Variants in GMPS observed in about 807,000 individuals in gnomAD.
GMPS encodes guanosine monophosphate synthase.
GMPS carries 15 observed loss-of-function variants against 77.9 expected under a neutral mutation model. That is an observed-to-expected ratio of 0.19 (90% confidence interval 0.13 to 0.30). GMPS has a LOEUF of 0.30. Among genes scored for constraint, GMPS ranks in the 10% least tolerant of loss-of-function variants. GMPS has a pLI of 1.00. For synonymous variants in GMPS, 224 were observed against 275.9 expected, an observed-to-expected ratio of 0.81 and a Z score of 1.86; for missense variants, 590 against 838.8, an observed-to-expected ratio of 0.70 and a Z score of 3.66.
At chr3:155,933,282 C>A (rs572091768) in intron 13 of GMPS, among the ~76,000 whole-genome samples, 47 of 152,046 alleles carry the variant, frequency 3.1e-4, no homozygotes, top group Non-Finnish European at 6.3e-4. Context: ...TAAAAATATT[C>A]TTCCCTGTTT....
At chr3:155,898,630 C>T (rs564306305) in intron 3 of GMPS, among the ~76,000 whole-genome samples, 2 of 152,320 alleles carry the variant, frequency 1.3e-5, no homozygotes, top group East Asian at 1.9e-4. Flanking sequence ...AATAGTTCCT[C>T]AGTGTTTCCT....
chr3:155,888,477 T>A (rs1246048875), intron 1 of GMPS, among the ~76,000 whole-genome samples: 1 of 152,028 alleles, frequency 6.6e-6, no homozygotes, highest in African/African-American at 2.4e-5. Context: ...TCACCCAGGC[T>A]GGAGTGCAGT....
rs977453092 is a variant in GMPS at position 155,908,512 on chromosome 3, A to G, written c.527-2180A>G. On this transcript the variant is annotated intron_variant, in intron 5 of 15. Coordinates refer to ENST00000496455, the MANE Select transcript of GMPS (RefSeq NM_003875.3). ...TTTTTTCTACAGCAGTAGAAGAGGA[A>G]GTTGTTAGGACCAGGGTGGCAGAGA... is the stretch of plus-strand genomic sequence containing the variant. 4.6e-5 allele frequency among the ~76,000 whole-genome samples: 7 copies of G among 152,310 alleles called. No homozygotes were observed. In the East Asian group the frequency reaches 1.3e-3, roughly 29 times the overall value.
At position 155,916,101 on chromosome 3, in the gene GMPS, T is replaced by C. The variant is rs779023940; in HGVS notation, c.1121T>C (p.Ile374Thr). The C allele has an allele frequency of 1.2e-6, 2 of 1,613,226 alleles. No homozygotes were observed. Among genetic ancestry groups the C allele is most frequent in the South Asian group, 1.1e-5 (1 of 91,054 alleles). Residue 374 changes from isoleucine (I) to threonine (T), a missense_variant, in exon 9 of 16, where the codon ATT becomes ACT. By Grantham distance (89) the Ile-to-Thr change is moderately conservative. Around this residue, in one of 6 missense-constraint regions of GMPS, gnomAD observed 181 missense variants for 186.8 expected, o/e 0.97. Coordinates refer to ENST00000496455, the MANE Select transcript of GMPS (RefSeq NM_003875.3). ...LAQGTLRPDL[I>T]ESASLVASGK... ...CAAGGTACTTTACGGCCTGATCTAA[T>C]TGAAAGTGCATCCCTTGTTGCAAGT...
intron 4 of GMPS, among the ~76,000 whole-genome samples, chr3:155,905,611 A>G (rs1262797176): frequency 2.0e-5 from 3 of 152,192 alleles, no homozygotes; most frequent in Non-Finnish European, 4.4e-5. Context: ...AGTTAAAATG[A>G]AAGATTATAG....
intron 7 of GMPS, among the ~76,000 whole-genome samples, chr3:155,912,447 A>G (rs925842411): frequency 2.6e-5 from 4 of 152,184 alleles, no homozygotes; most frequent in African/African-American, 7.2e-5. Flanking sequence ...GAAATTTGCA[A>G]GATATTTTGA....
intron 11 of GMPS, among the ~76,000 whole-genome samples, chr3:155,924,332 A>T (rs1755398263): frequency 6.6e-6 from 1 of 152,232 alleles, no homozygotes; most frequent in Non-Finnish European, 1.5e-5. Context: ...AATGATTATA[A>T]AATCGAGAGT....
At chr3:155,924,629 T>C (rs1417267524) in intron 11 of GMPS, among the ~76,000 whole-genome samples, 1 of 150,144 alleles carries the variant, frequency 6.7e-6, no homozygotes, top group Non-Finnish European at 1.5e-5. Context: ...AAGAAAGGAG[T>C]AAGAGTAAAA....
chr3:155,915,101 A>G (rs980918443), intron 8 of GMPS, among the ~76,000 whole-genome samples: 1 of 152,014 alleles, frequency 6.6e-6, no homozygotes, highest in Admixed American at 6.6e-5. Context: ...ATGTTTGCCT[A>G]CATTGCCAGG....
intron 11 of GMPS, among the ~76,000 whole-genome samples, chr3:155,924,985 C>T (rs1282539198): frequency 2.0e-5 from 3 of 152,312 alleles, no homozygotes; most frequent in Admixed American, 6.5e-5. Context: ...AGATAAGGTG[C>T]ATCACTTGCT....
chr3:155,915,997 G>T, intron 8 of GMPS, 22 bp from the exon 9 acceptor site: 1 of 1,589,960 alleles, frequency 6.3e-7, no homozygotes, highest in Admixed American at 1.7e-5. Context: ...TTACAAGGCT[G>T]TTTTACTCCT....
At position 155,897,949 on chromosome 3, in the gene GMPS, CCTAATT is replaced by C; in HGVS notation, c.235_240del (p.Asn79_Ser80del). On this transcript the variant is annotated inframe_deletion, in exon 3 of 16. Transcript: ENST00000496455. ...CAGTGCTATTATCATCTCTGGAGGA[CCTAATT>C]CTGTGTATGCTGAAGATGCTCCCTG... is the stretch of plus-strand genomic sequence containing the variant. The C allele has an allele frequency of 6.3e-7, 1 of 1,583,156 alleles. No homozygotes were observed. The highest frequency in any genetic ancestry group is 2.2e-5 in the East Asian group (1 of 44,700).
Position 155,938,852 on chromosome 3 carries a change from A to C in GMPS, c.*1160A>C, listed in dbSNP as rs1413637805. ...TTCTAACAGATCTTTTATAACATTC[A>C]CATAAGTACTGTAGACAGTAGTAGA... On this transcript the variant is annotated 3_prime_UTR_variant, in exon 16 of 16. Coordinates refer to ENST00000496455, the MANE Select transcript of GMPS (RefSeq NM_003875.3). 9.4e-6 allele frequency: 2 copies of C among 213,198 alleles called. No individual in the cohort carries two copies. Among genetic ancestry groups the C allele is most frequent in the Non-Finnish European group, 1.9e-5 (2 of 105,532 alleles). The allele number at this position is 213,198 out of a possible 1,614,324, so 13.2% of individuals were successfully genotyped here. A position where few individuals can be genotyped will look rare whatever the true frequency, so the allele number is the denominator to read the frequency against.
chr3:155,870,453 G>C (rs1417322528), upstream of GMPS: 2 of 188,246 alleles, frequency 1.1e-5, no homozygotes, highest in Admixed American at 6.2e-5. Context: ...CTCCTCCCAA[G>C]GGCGGGCCGC....
intron 1 of GMPS, among the ~76,000 whole-genome samples, chr3:155,880,158 C>T (rs1416654087): frequency 1.3e-5 from 2 of 152,100 alleles, no homozygotes; most frequent in African/African-American, 4.8e-5. Context: ...CAATACATAT[C>T]ACAAAGATTT....
At chr3:155,916,304 T>C (rs1026046826) in intron 9 of GMPS, 112 bp downstream of exon 9, 68 of 707,606 alleles carry the variant, frequency 9.6e-5, no homozygotes, top group Non-Finnish European at 1.2e-4. Flanking sequence ...CACATCTAAT[T>C]TTAGAACATT....
chr3:155,925,390 C>T (rs1193241541), intron 12 of GMPS, 24 bp downstream of exon 12: 3 of 1,539,100 alleles, frequency 1.9e-6, no homozygotes, highest in South Asian at 1.2e-5. Flanking sequence ...ATTCATTCAC[C>T]AGTGATATAC....
intron 5 of GMPS, among the ~76,000 whole-genome samples, chr3:155,909,757 C>G (rs938131664): frequency 6.7e-6 from 1 of 150,164 alleles, no homozygotes; most frequent in African/African-American, 2.5e-5. Flanking sequence ...CAACAGGCAA[C>G]AAGATAAAAC....
chr3:155,898,223 A>G (rs966359240), intron 3 of GMPS, among the ~76,000 whole-genome samples, 182 bp downstream of exon 3: 2 of 152,194 alleles, frequency 1.3e-5, no homozygotes, highest in Non-Finnish European at 2.9e-5. Context: ...TAGGGAATCT[A>G]TTTTCAAAGT....
Sources: gnomAD v4.1 joint callset for allele counts (sites outside exome capture counted in the v4.1 genomes callset) on GRCh38, gnomAD v4.1.1 for gene constraint, gnomAD v4.1.1 regional missense constraint, MANE v1.5 for transcripts, NCBI Gene and HGNC (gene_info 2026-07-23, HGNC 2026-07-21) for gene names.